The following RNF2 variants were observed in gnomAD, a reference collection of about 807,000 sequenced individuals.
The protein encoded by RNF2 is ring finger protein 2.
Under a neutral mutation model 37.2 loss-of-function variants are expected in RNF2, and 6 were observed. The observed-to-expected ratio is 0.16, with a 90% CI of 0.09 to 0.32. The LOEUF (loss-of-function observed/expected upper bound fraction) is 0.32, where lower values mean the gene tolerates loss of function less well. Ranked by LOEUF, RNF2 falls within the 10% of genes least tolerant of loss-of-function variation. The pLI is 1.00. For missense variants in RNF2, 251 were observed against 404.0 expected, an observed-to-expected ratio of 0.62 and a Z score of 3.25; for synonymous variants, 133 against 132.7, an observed-to-expected ratio of 1.00 and a Z score of -0.02.
intron 1 of RNF2, among the ~76,000 whole-genome samples, chr1:185,063,062 C>G (rs1443784007): frequency 6.6e-6 from 1 of 152,164 alleles, no homozygotes; most frequent in African/African-American, 2.4e-5. Context: ...AGGAATTTGT[C>G]CTGGACAACT....
At chr1:185,077,162 C>G (rs575670728) in intron 1 of RNF2, among the ~76,000 whole-genome samples, 1 of 151,904 alleles carries the variant, frequency 6.6e-6, no homozygotes, top group Non-Finnish European at 1.5e-5. Context: ...TATCTTCATT[C>G]CACCATGTTA....
In RNF2 at chr1:185,051,809, C is replaced by CAT. The variant is rs564503315; in HGVS notation, c.-3+6168_-3+6169dup. On this transcript the variant is annotated intron_variant, in intron 1 of 6. Coordinates refer to ENST00000367510, the MANE Select transcript of RNF2 (RefSeq NM_007212.4). ...ATACAAAAATACACACCAATTTTTA[C>CAT]ATATATATACACACATTTTATGTAT... Among the ~76,000 whole-genome samples the CAT allele has an allele frequency of 1.2e-3, 182 of 148,986 alleles. 3 individuals are homozygous for CAT. Among genetic ancestry groups the CAT allele is most frequent in the African/African-American group, 4.3e-3 (175 of 40,462 alleles).
At chr1:185,087,764 C>G in intron 2 of RNF2, 124 bp downstream of exon 2, 2 of 707,772 alleles carry the variant, frequency 2.8e-6, no homozygotes, top group Non-Finnish European at 2.4e-6. Flanking sequence ...TTCCTGACTT[C>G]TGTATGTTGG....
chr1:185,097,961 A>T, intron 4 of RNF2, 111 bp from the exon 5 acceptor site: 1 of 1,125,946 alleles, frequency 8.9e-7, no homozygotes, highest in Non-Finnish European at 1.3e-6. Flanking sequence ...GAGTAAATTC[A>T]GTTACCAGTA....
intron 4 of RNF2, 129 bp from the exon 5 acceptor site, chr1:185,097,943 C>A: frequency 1.1e-6 from 1 of 937,616 alleles, no homozygotes; most frequent in Non-Finnish European, 1.6e-6. Flanking sequence ...ACAATATCAT[C>A]CAACTCAGAG....
At chr1:185,085,820 A>C (rs547073445) in intron 1 of RNF2, among the ~76,000 whole-genome samples, 1 of 151,906 alleles carries the variant, frequency 6.6e-6, no homozygotes, top group South Asian at 2.1e-4. Flanking sequence ...CACCCGGCTA[A>C]TTTTTGTATT....
At chr1:185,068,325 C>T (rs891850427) in intron 1 of RNF2, among the ~76,000 whole-genome samples, 1 of 152,096 alleles carries the variant, frequency 6.6e-6, no homozygotes, top group African/African-American at 2.4e-5. Context: ...ACATTCTGGT[C>T]TCTGGAACCT....
intron 2 of RNF2, among the ~76,000 whole-genome samples, chr1:185,090,707 C>G (rs930474902): frequency 3.9e-5 from 6 of 152,180 alleles, no homozygotes; most frequent in African/African-American, 1.4e-4. Context: ...CAATTCTCGC[C>G]ATACTAGAAC....
chr1:185,094,448 C>T (rs576910952), intron 4 of RNF2, among the ~76,000 whole-genome samples: 3 of 152,038 alleles, frequency 2.0e-5, no homozygotes, highest in African/African-American at 4.8e-5. Context: ...GCCTTGGAGT[C>T]GCTTTTAAAT....
At chr1:185,077,449 TC>T (rs984483856) in intron 1 of RNF2, among the ~76,000 whole-genome samples, 11 of 152,178 alleles carry the variant, frequency 7.2e-5, no homozygotes, top group African/African-American at 2.2e-4. Context: ...TTTTGGGACT[TC>T]CGGTAGATTT....
intron 1 of RNF2, among the ~76,000 whole-genome samples, chr1:185,079,473 C>T (rs184230725): frequency 6.6e-6 from 1 of 152,280 alleles, no homozygotes; most frequent in East Asian, 1.9e-4. Flanking sequence ...CCTGTTTTAA[C>T]CTTTTAAAGG....
intron 1 of RNF2, among the ~76,000 whole-genome samples, chr1:185,062,111 G>C (rs1650625048): frequency 6.6e-6 from 1 of 152,202 alleles, no homozygotes; most frequent in Admixed American, 6.5e-5. Context: ...AAAACTGCTA[G>C]GGAGAACTTT....
intron 1 of RNF2, among the ~76,000 whole-genome samples, chr1:185,066,214 C>G (rs1181275142): frequency 6.6e-6 from 1 of 152,144 alleles, no homozygotes; most frequent in Non-Finnish European, 1.5e-5. Flanking sequence ...GTGGATCTTT[C>G]TTGATACCTT....
rs1165689237 is a variant in RNF2, at chr1:185,101,031, T to G, written c.*730T>G. The G allele has an allele frequency of 1.3e-5, 2 of 152,434 alleles. No individual in the cohort carries two copies. Among genetic ancestry groups the G allele is most frequent in the Non-Finnish European group, 2.9e-5 (2 of 67,946 alleles). 9.4% of individuals were successfully genotyped at this position (152,434 alleles called of 1,614,324 possible). A position where few individuals can be genotyped will look rare whatever the true frequency, so the allele number is the denominator to read the frequency against. ...TCTGCTGAAGAAAGAAAAATTAAATTGGTAGTAAAATATAGTCTTCAAGTA... is the reference window on the plus strand; with the variant it reads ...TCTGCTGAAGAAAGAAAAATTAAATGGGTAGTAAAATATAGTCTTCAAGTA... On this transcript the variant is annotated 3_prime_UTR_variant, in exon 7 of 7. Coordinates refer to ENST00000367510, the MANE Select transcript of RNF2 (RefSeq NM_007212.4).
At position 185,091,094 on chromosome 1, in the gene RNF2, C is replaced by T. The variant is rs1240763540; in HGVS notation, c.88-485C>T. On this transcript the variant is annotated intron_variant, in intron 2 of 6. Coordinates refer to ENST00000367510, the MANE Select transcript of RNF2 (RefSeq NM_007212.4). ...AAACTAGAGAAACTTTTATTGGAAT[C>T]TTGTTTTAATGGGCAGCATGAAACA... Among the ~76,000 whole-genome samples the T allele has an allele frequency of 2.6e-5, 4 of 152,260 alleles. No individual in the cohort carries two copies. In the East Asian group the frequency reaches 5.8e-4, roughly 22 times the overall value.
intron 1 of RNF2, among the ~76,000 whole-genome samples, chr1:185,055,401 G>T (rs1650403454): frequency 6.6e-6 from 1 of 152,110 alleles, no homozygotes; most frequent in South Asian, 2.1e-4. Flanking sequence ...AATTACTGTT[G>T]TAGGTTTTTG....
intron 1 of RNF2, among the ~76,000 whole-genome samples, chr1:185,062,305 G>A (rs1358458785): frequency 6.6e-6 from 1 of 152,142 alleles, no homozygotes; most frequent in Non-Finnish European, 1.5e-5. Flanking sequence ...GGAAGTTATA[G>A]TGTATTAAGC....
chr1:185,089,868 A>G (rs930925717), intron 2 of RNF2, among the ~76,000 whole-genome samples: 1 of 151,836 alleles, frequency 6.6e-6, no homozygotes, highest in African/African-American at 2.4e-5. Context: ...TGTCTCTACT[A>G]AAAGTACAAA....
chr1:185,060,116 G>A (rs1407071266), intron 1 of RNF2, among the ~76,000 whole-genome samples: 1 of 152,216 alleles, frequency 6.6e-6, no homozygotes, highest in African/African-American at 2.4e-5. Flanking sequence ...ATACCACTTT[G>A]CAGAAGCTGC....
Sources: allele counts gnomAD v4.1 joint callset (sites outside exome capture counted in the v4.1 genomes callset), GRCh38; gene constraint gnomAD v4.1.1; transcripts MANE v1.5; gene names NCBI Gene and HGNC (gene_info 2026-07-23, HGNC 2026-07-21).